The following TRHDE variants were observed in gnomAD, a reference collection of about 807,000 sequenced individuals.
The protein encoded by TRHDE is thyrotropin releasing hormone degrading enzyme, also known as thyrotropin-releasing hormone-degrading ectoenzyme.
Under a neutral mutation model 125.7 loss-of-function variants are expected in TRHDE, and 72 were observed. The ratio of observed to expected loss-of-function variants is 0.57; its 90% CI spans 0.47 to 0.70. TRHDE has a LOEUF of 0.70. Among genes scored for constraint, TRHDE ranks in the 30% least tolerant of loss-of-function variants. The probability of loss-of-function intolerance (pLI) is 0.00; values close to 1 mark genes in which losing one functional copy is unlikely to be tolerated. For synonymous variants in TRHDE, 509 were observed against 509.1 expected, an observed-to-expected ratio of 1.00 and a Z score of 0.00; for missense variants, 1,110 against 1,327.1, an observed-to-expected ratio of 0.84 and a Z score of 2.54.
At chr12:72,589,087 G>A (rs967073690) in intron 12 of TRHDE, among the ~76,000 whole-genome samples, 1 of 152,070 alleles carries the variant, frequency 6.6e-6, no homozygotes, top group African/African-American at 2.4e-5. Flanking sequence ...ATTCGGGTGG[G>A]GACACAGCAA....
chr12:72,625,778 C>G (rs991800819), intron 15 of TRHDE, among the ~76,000 whole-genome samples: 1 of 151,866 alleles, frequency 6.6e-6, no homozygotes, highest in Non-Finnish European at 1.5e-5. Flanking sequence ...GACTTCTTTA[C>G]CCAGCTTGCC....
intron 1 of TRHDE, among the ~76,000 whole-genome samples, chr12:72,102,263 T>C (rs894794592): frequency 5.3e-5 from 8 of 152,114 alleles, no homozygotes; most frequent in Non-Finnish European, 1.5e-5. Flanking sequence ...AGTAGGGCAT[T>C]AGGAGGGTGA....
intron 6 of TRHDE, among the ~76,000 whole-genome samples, chr12:72,534,445 C>G (rs1388465043): frequency 6.6e-6 from 1 of 151,864 alleles, no homozygotes; most frequent in Non-Finnish European, 1.5e-5. Flanking sequence ...GAGTATAGAC[C>G]ACCCAGTTTG....
intron 2 of TRHDE, among the ~76,000 whole-genome samples, chr12:72,314,642 A>T (rs973003740): frequency 3.9e-5 from 6 of 152,156 alleles, no homozygotes; most frequent in African/African-American, 1.4e-4. Flanking sequence ...GTTTGTAGTT[A>T]TGTGGAGTGC....
intron 3 of TRHDE, among the ~76,000 whole-genome samples, chr12:72,464,571 A>G (rs1876279273): frequency 6.6e-6 from 1 of 152,216 alleles, no homozygotes; most frequent in Non-Finnish European, 1.5e-5. Context: ...GAAGCCACAG[A>G]TGTAAATCCT....
intron 5 of TRHDE, among the ~76,000 whole-genome samples, chr12:72,473,988 T>C (rs1275571282): frequency 6.6e-6 from 1 of 152,078 alleles, no homozygotes; most frequent in Non-Finnish European, 1.5e-5. Context: ...ATTTGTGACA[T>C]AGCGTAGGCG....
At chr12:72,436,136 G>A (rs867635601) in intron 3 of TRHDE, among the ~76,000 whole-genome samples, 2 of 151,950 alleles carry the variant, frequency 1.3e-5, no homozygotes, top group Non-Finnish European at 2.9e-5. Context: ...AATTGATGGT[G>A]CTTTAAGTGA....
At chr12:72,094,271 G>A (rs867776076) in intron 1 of TRHDE, among the ~76,000 whole-genome samples, 1 of 152,192 alleles carries the variant, frequency 6.6e-6, no homozygotes, top group South Asian at 2.1e-4. Flanking sequence ...GGGTCACTAG[G>A]TGAGTCCCTG....
intron 2 of TRHDE, among the ~76,000 whole-genome samples, chr12:72,295,169 T>C (rs1349387252): frequency 6.9e-6 from 1 of 145,588 alleles, no homozygotes; most frequent in Non-Finnish European, 1.5e-5. Context: ...GTGGGAGGGG[T>C]TGCAGACGGG....
chr12:72,295,576 G>A (rs1334034933), intron 2 of TRHDE, among the ~76,000 whole-genome samples: 1 of 152,148 alleles, frequency 6.6e-6, no homozygotes, highest in East Asian at 1.9e-4. Context: ...ATTTACAATG[G>A]TGGTATGTAT....
intron 18 of TRHDE, among the ~76,000 whole-genome samples, chr12:72,659,883 T>A (rs1202826407): frequency 6.6e-6 from 1 of 152,090 alleles, no homozygotes; most frequent in African/African-American, 2.4e-5. Context: ...TTCTCCCCGC[T>A]TGCGGAGACA....
At chr12:72,373,719 G>A (rs1002839206) in intron 2 of TRHDE, among the ~76,000 whole-genome samples, 8 of 152,176 alleles carry the variant, frequency 5.3e-5, no homozygotes, top group Non-Finnish European at 4.4e-5. Context: ...TAGCCATGGG[G>A]CTATCTAGGG....
In TRHDE at chr12:72,192,306, G is replaced by C. The variant is rs143658813; in HGVS notation, n.279+86554G>C. ...GTGATATCGATGCTTCTGGTGTTCA[G>C]ATCACACTTTGAATAAGAAGCAATT... On this transcript the variant is annotated intron_variant and non_coding_transcript_variant, in intron 2 of 4. Transcript: ENST00000548156. Among the ~76,000 whole-genome samples the C allele has an allele frequency of 6.7e-4, 102 of 152,150 alleles. 1 individual carries two copies. In the East Asian group the frequency reaches 0.016, roughly 24 times the overall value.
At chr12:72,638,882 T>A (rs979781000) in intron 15 of TRHDE, among the ~76,000 whole-genome samples, 29 of 152,188 alleles carry the variant, frequency 1.9e-4, no homozygotes, top group Non-Finnish European at 3.7e-4. Context: ...CTGCTGTTAA[T>A]CTGATGGGCT....
intron 3 of TRHDE, among the ~76,000 whole-genome samples, chr12:72,408,318 A>G (rs1423110022): frequency 3.3e-5 from 5 of 152,334 alleles, no homozygotes; most frequent in Middle Eastern, 6.8e-3. Context: ...AACTCTCAGA[A>G]AAGTTATAGC....
chr12:72,285,663 G>C (rs1023775274), intron 1 of TRHDE, among the ~76,000 whole-genome samples: 3 of 151,712 alleles, frequency 2.0e-5, no homozygotes, highest in African/African-American at 7.3e-5. Flanking sequence ...TGGGACTACA[G>C]GCATGCGCTA....
At chr12:72,422,561 A>G (rs1375556280) in intron 3 of TRHDE, among the ~76,000 whole-genome samples, 2 of 152,198 alleles carry the variant, frequency 1.3e-5, no homozygotes, top group Non-Finnish European at 1.5e-5. Flanking sequence ...TCAATATTAT[A>G]TCTTTAAAGA....
chr12:72,648,682 C>T (rs913885839), intron 15 of TRHDE, among the ~76,000 whole-genome samples: 39 of 151,992 alleles, frequency 2.6e-4, no homozygotes, highest in Admixed American at 3.9e-4. Flanking sequence ...CATGGCGGCT[C>T]ATGCCTGTAA....
At chr12:72,144,946 G>T (rs945665889) in intron 2 of TRHDE, among the ~76,000 whole-genome samples, 2 of 152,098 alleles carry the variant, frequency 1.3e-5, no homozygotes, top group Non-Finnish European at 2.9e-5. Context: ...CTTCTATCCT[G>T]CCAGGGGCTG....
Sources: gnomAD v4.1 joint callset for allele counts (sites outside exome capture counted in the v4.1 genomes callset) on GRCh38, gnomAD v4.1.1 for gene constraint, MANE v1.5 for transcripts, NCBI Gene and HGNC (gene_info 2026-07-23, HGNC 2026-07-21) for gene names.